The following IFT74 variants were observed in gnomAD, a reference collection of about 807,000 sequenced individuals.
The protein encoded by IFT74 is intraflagellar transport 74.
In IFT74, 92 loss-of-function variants were observed where a neutral mutation model predicts 96.7. The observed-to-expected ratio is 0.95, with a 90% CI of 0.80 to 1.13. The LOEUF is 1.13. Among genes scored for constraint, IFT74 ranks in the 50% most tolerant of loss-of-function variants. IFT74 has a pLI of 0.00. For synonymous variants in IFT74, 223 were observed against 213.2 expected, an observed-to-expected ratio of 1.05 and a Z score of -0.40; for missense variants, 811 against 698.2, an observed-to-expected ratio of 1.16 and a Z score of -1.82.
intron 2 of IFT74, among the ~76,000 whole-genome samples, chr9:26,973,190 T>G (rs1398835531): frequency 6.6e-6 from 1 of 152,204 alleles, no homozygotes; most frequent in Non-Finnish European, 1.5e-5. Context: ...TCATAAGGAA[T>G]TTGGCTGAGA....
At chr9:27,038,715 C>G (rs1245055437) in intron 13 of IFT74, among the ~76,000 whole-genome samples, 1 of 152,204 alleles carries the variant, frequency 6.6e-6, no homozygotes, top group Non-Finnish European at 1.5e-5. Context: ...CTGAAATTCT[C>G]TACAGGAGAT....
intron 2 of IFT74, among the ~76,000 whole-genome samples, chr9:26,968,742 G>A (rs1475652663): frequency 6.6e-6 from 1 of 152,026 alleles, no homozygotes. Context: ...TTGAGTTTCT[G>A]TTATCAGTTG....
In IFT74 at chr9:27,054,344, A is replaced by G. The variant is rs143672353; in HGVS notation, c.1334-1265A>G. On this transcript the variant is annotated intron_variant, in intron 16 of 19. Transcript: ENST00000380062. Reference sequence around the variant, plus strand: ...AACCTTAAGCCTTTAATTGAAAGGCATATCTTTAGAGAGCTCTCTTCATCC... The same window carrying G: ...AACCTTAAGCCTTTAATTGAAAGGCGTATCTTTAGAGAGCTCTCTTCATCC... Among the ~76,000 whole-genome samples the G allele has an allele frequency of 4.5e-4, 68 of 152,290 alleles. No individual in the cohort carries two copies. In the South Asian group the frequency reaches 7.5e-3, roughly 17 times the overall value.
intron 10 of IFT74, among the ~76,000 whole-genome samples, chr9:27,015,804 T>TA (rs1305302901): frequency 3.3e-5 from 5 of 152,216 alleles, no homozygotes; most frequent in Admixed American, 6.5e-5. Context: ...ATGATAGTAC[T>TA]ATCTTGTAGA....
intron 1 of IFT74, chr9:26,947,397 A>G (rs1825774226): frequency 1.8e-5 from 4 of 226,450 alleles, no homozygotes; most frequent in East Asian, 1.8e-4. Flanking sequence ...CCCTTCCACC[A>G]GGACGCCTGA....
intron 13 of IFT74, among the ~76,000 whole-genome samples, chr9:27,040,544 C>CAG (rs1554677188): frequency 1.6e-5 from 1 of 62,074 alleles, no homozygotes; most frequent in East Asian, 4.2e-4. Flanking sequence ...GACACTGTCT[C>CAG]AAAAAAAAAA....
intron 2 of IFT74, among the ~76,000 whole-genome samples, chr9:26,969,660 T>G (rs1016939783): frequency 6.6e-6 from 1 of 152,134 alleles, no homozygotes; most frequent in Non-Finnish European, 1.5e-5. Flanking sequence ...TCTTTTTCTC[T>G]GTCTTTTTAT....
At chr9:27,055,506 C>T (rs907030680) in intron 16 of IFT74, 103 bp from the exon 17 acceptor site, 2 of 754,926 alleles carry the variant, frequency 2.6e-6, no homozygotes, top group African/African-American at 1.9e-5. Context: ...ATTTCTTTTA[C>T]AGATATTCTT....
chr9:26,951,372 CAGAATA>C lies in IFT74; in HGVS notation c.-20+4227_-20+4232del, dbSNP rs1587215812. Among the ~76,000 whole-genome samples, 4 of 152,142 alleles carry C rather than the reference CAGAATA, an allele frequency of 2.6e-5. No individual in the cohort carries two copies. In the East Asian group the frequency reaches 7.7e-4, roughly 29 times the overall value. ...GGCTTGTGTGTGAAAGTGATGGTGA[CAGAATA>C]TTGTTTAGCATTTTTTTTTTAACTA... On this transcript the variant is annotated intron_variant, in intron 1 of 19. Transcript: ENST00000433700.
intron 12 of IFT74, among the ~76,000 whole-genome samples, chr9:27,023,046 A>G (rs1402394316): frequency 1.3e-5 from 2 of 152,200 alleles, no homozygotes; most frequent in Admixed American, 6.5e-5. Flanking sequence ...TATAAGATCT[A>G]GGAGTTTTCT....
chr9:27,037,651 G>C (rs964028569), intron 13 of IFT74, among the ~76,000 whole-genome samples: 2 of 152,178 alleles, frequency 1.3e-5, no homozygotes. Context: ...TGGAAAGATC[G>C]TTTTACTCTG....
intron 11 of IFT74, among the ~76,000 whole-genome samples, chr9:27,017,533 C>T (rs1288985531): frequency 6.6e-6 from 1 of 152,162 alleles, no homozygotes; most frequent in Non-Finnish European, 1.5e-5. Context: ...TCAAGTATTT[C>T]ATAGTAACTT....
chr9:26,990,140 G>T lies in IFT74; in HGVS notation c.532G>T (p.Ala178Ser). The part of the protein sequence containing the change: ...EVMNDYNMLK[A>S]QNDRETQSLD... ...ATGTGTTAACTTTATTCAGCTTAAA[G>T]CTCAAAATGATCGAGAAACACAAAG... Residue 178 changes from alanine (A) to serine (S), a missense_variant, in exon 8 of 20, where the codon GCT becomes TCT. Coordinates refer to ENST00000380062, the MANE Select transcript of IFT74 (RefSeq NM_025103.4). 9 of 1,500,098 alleles carry T rather than the reference G, an allele frequency of 6.0e-6. No homozygotes were observed. In the South Asian group the frequency reaches 1.3e-4, roughly 22 times the overall value. The allele number at this position is 1,500,098 out of a possible 1,614,324, so 92.9% of individuals were successfully genotyped here.
intron 2 of IFT74, chr9:26,976,494 A>T (rs1827134368): frequency 3.3e-6 from 1 of 303,196 alleles, no homozygotes; most frequent in Admixed American, 4.3e-5. Context: ...TCTAAACTAG[A>T]CCCAATTGGC....
chr9:27,016,967 T>G lies in IFT74; in HGVS notation c.850T>G (p.Leu284Val). Residue 284 changes from leucine to valine, a missense_variant, in exon 11 of 20, where the codon TTG becomes GTG. Coordinates refer to ENST00000380062, the MANE Select transcript of IFT74 (RefSeq NM_025103.4). ...ATTGCTGCATGAAAAACTTTATGAG[T>G]TGGAGTCCCATCGAGATCAAATGAT... is the stretch of plus-strand genomic sequence containing the variant. ...AVLLHEKLYELESHRDQMIAE... is the reference protein window; with the variant it reads ...AVLLHEKLYEVESHRDQMIAE... 1.2e-6 allele frequency: 2 copies of G among 1,611,566 alleles called. No individual in the cohort carries two copies. The highest frequency in any genetic ancestry group is 1.7e-6 in the Non-Finnish European group (2 of 1,178,612).
At chr9:27,051,781 T>C (rs1382166831) in intron 16 of IFT74, among the ~76,000 whole-genome samples, 2 of 152,228 alleles carry the variant, frequency 1.3e-5, no homozygotes, top group African/African-American at 4.8e-5. Flanking sequence ...AAACATTCTA[T>C]TGCATGTATA....
intron 16 of IFT74, among the ~76,000 whole-genome samples, chr9:27,054,007 A>AT (rs1820049559): frequency 6.6e-6 from 1 of 152,256 alleles, no homozygotes; most frequent in African/African-American, 2.4e-5. Flanking sequence ...ATACACATAT[A>AT]TATTTTTAAA....
chr9:26,995,330 G>A (rs1828085918), intron 8 of IFT74: 1 of 505,940 alleles, frequency 2.0e-6, no homozygotes. Flanking sequence ...CAACTACCGA[G>A]GAGTGTCAGT....
intron 10 of IFT74, among the ~76,000 whole-genome samples, chr9:27,015,716 GTTAACTC>G (rs1039540329): frequency 6.6e-6 from 1 of 152,164 alleles, no homozygotes; most frequent in Non-Finnish European, 1.5e-5. Context: ...AAATGTCACT[GTTAACTC>G]TTATGTCTTT....
Sources: gnomAD v4.1 joint callset for allele counts (sites outside exome capture counted in the v4.1 genomes callset) on GRCh38, gnomAD v4.1.1 for gene constraint, MANE v1.5 for transcripts, NCBI Gene and HGNC (gene_info 2026-07-23, HGNC 2026-07-21) for gene names.